Variants in MATN2 observed in about 807,000 individuals in gnomAD.
The protein encoded by MATN2 is matrilin 2.
In MATN2, 69 loss-of-function variants were observed where a neutral mutation model predicts 103.2. The ratio of observed to expected loss-of-function variants is 0.67; its 90% CI spans 0.55 to 0.82. MATN2 has a LOEUF of 0.82. Ranked by LOEUF, MATN2 falls within the 40% of genes least tolerant of loss-of-function variation. The probability of loss-of-function intolerance (pLI) is 0.00; values close to 1 mark genes in which losing one functional copy is unlikely to be tolerated. For synonymous variants in MATN2, 429 were observed against 450.2 expected (o/e 0.95, Z 0.60); for missense variants, 1,023 against 1,211.5 (o/e 0.84, Z 2.31).
intron 2 of MATN2, among the ~76,000 whole-genome samples, chr8:97,913,615 A>AT (rs34387422): frequency 0.25 from 30,401 of 121,744 alleles, 4,610 homozygotes; most frequent in East Asian, 0.69. Flanking sequence ...GCACCCTGCC[A>AT]TTTTTTTTTT....
chr8:97,945,412 G>GT (rs1810712373), intron 4 of MATN2, among the ~76,000 whole-genome samples: 1 of 152,048 alleles, frequency 6.6e-6, no homozygotes, highest in Non-Finnish European at 1.5e-5. Context: ...TCCAAATCCT[G>GT]TTATGTCCTC....
chr8:97,869,927 C>T (rs1297107964), intron 1 of MATN2, among the ~76,000 whole-genome samples: 1 of 152,092 alleles, frequency 6.6e-6, no homozygotes, highest in Non-Finnish European at 1.5e-5. Flanking sequence ...AAAGTGCTCT[C>T]CTCAGGGACA....
At chr8:97,979,752 G>A (rs529841802) in intron 6 of MATN2, among the ~76,000 whole-genome samples, 1 of 152,212 alleles carries the variant, frequency 6.6e-6, no homozygotes. Context: ...TATAAAAAGT[G>A]GACTTTAATA....
intron 5 of MATN2, 149 bp downstream of exon 5, chr8:97,961,679 G>T: frequency 1.1e-6 from 1 of 923,570 alleles, no homozygotes; most frequent in Non-Finnish European, 1.5e-6. Context: ...TTGTTAGGCA[G>T]AATTTGAACT....
chr8:97,948,822 A>G (rs1210285156), intron 4 of MATN2, among the ~76,000 whole-genome samples: 2 of 152,242 alleles, frequency 1.3e-5, no homozygotes, highest in African/African-American at 4.8e-5. Flanking sequence ...GATTTCTTAA[A>G]TAGTACACAA....
chr8:97,879,047 T>TA (rs1256420637), intron 1 of MATN2, among the ~76,000 whole-genome samples: 1 of 152,094 alleles, frequency 6.6e-6, no homozygotes, highest in Non-Finnish European at 1.5e-5. Flanking sequence ...TTAATAATTT[T>TA]AAAAAAATTT....
intron 5 of MATN2, 34 bp from the exon 6 acceptor site, chr8:97,978,852 A>G (rs747737536): frequency 9.3e-6 from 15 of 1,612,180 alleles, no homozygotes; most frequent in African/African-American, 1.3e-5. Context: ...CTCTGTTTGC[A>G]TTTCTAATTC....
At chr8:97,980,608 A>G (rs1207497589) in intron 6 of MATN2, among the ~76,000 whole-genome samples, 1 of 123,870 alleles carries the variant, frequency 8.1e-6, no homozygotes, top group African/African-American at 3.2e-5. Flanking sequence ...TCTGTCACCC[A>G]GGCTGGAGAG....
intron 6 of MATN2, among the ~76,000 whole-genome samples, chr8:97,979,603 T>C (rs16896480): frequency 0.059 from 8,917 of 152,246 alleles, 846 homozygotes; most frequent in African/African-American, 0.2. Context: ...TAATAACTAG[T>C]TACAAAAAGA....
intron 2 of MATN2, among the ~76,000 whole-genome samples, chr8:97,914,278 A>G (rs542258750): frequency 4.6e-5 from 7 of 150,684 alleles, no homozygotes; most frequent in African/African-American, 1.7e-4. Context: ...GCTGTCAGGA[A>G]CCCTTAGAAT....
chr8:97,911,067 C>A (rs1809413263), intron 2 of MATN2, among the ~76,000 whole-genome samples: 1 of 152,168 alleles, frequency 6.6e-6, no homozygotes, highest in African/African-American at 2.4e-5. Flanking sequence ...TGGCTCACTG[C>A]AACCTCCACC....
chr8:97,986,650 T>C (rs908172859), intron 6 of MATN2, among the ~76,000 whole-genome samples: 2 of 152,266 alleles, frequency 1.3e-5, no homozygotes, highest in African/African-American at 4.8e-5. Context: ...ATGGTGTATA[T>C]AGACACTGTA....
At chr8:98,031,055 G>A (rs1813999367) in intron 15 of MATN2, among the ~76,000 whole-genome samples, 1 of 152,156 alleles carries the variant, frequency 6.6e-6, no homozygotes, top group African/African-American at 2.4e-5. Flanking sequence ...CAAAAAGAAG[G>A]GCTGGGCACC....
intron 4 of MATN2, among the ~76,000 whole-genome samples, chr8:97,955,210 C>T (rs1002774616): frequency 4.6e-5 from 7 of 152,162 alleles, no homozygotes; most frequent in African/African-American, 1.7e-4. Flanking sequence ...CATCCTAAAG[C>T]AGTGATAAGC....
intron 5 of MATN2, among the ~76,000 whole-genome samples, chr8:97,970,792 T>TA (rs200094143): frequency 1.3e-4 from 19 of 150,750 alleles, no homozygotes; most frequent in East Asian, 1.9e-4. Context: ...CTACAAAGAA[T>TA]AAAAAAAAAT....
intron 13 of MATN2, among the ~76,000 whole-genome samples, chr8:98,023,631 A>G (rs903549425): frequency 1.3e-5 from 2 of 152,180 alleles, no homozygotes; most frequent in African/African-American, 4.8e-5. Flanking sequence ...TGATTGTGCC[A>G]CTTCACTCTA....
At chr8:97,875,491 A>G (rs1818037617) in intron 1 of MATN2, among the ~76,000 whole-genome samples, 1 of 152,110 alleles carries the variant, frequency 6.6e-6, no homozygotes, top group South Asian at 2.1e-4. Context: ...GGAGTTTTAC[A>G]AGTGAGCACT....
intron 7 of MATN2, among the ~76,000 whole-genome samples, chr8:97,999,861 C>CTTTTTTT (rs71271182): frequency 1.4e-5 from 2 of 138,434 alleles, no homozygotes; most frequent in East Asian, 2.2e-4. Context: ...GTCACGGATT[C>CTTTTTTT]TTTTTTTTTT....
At chr8:98,030,409 C>G in intron 14 of MATN2, 53 bp from the exon 15 acceptor site, 1 of 1,509,618 alleles carries the variant, frequency 6.6e-7, no homozygotes, top group Non-Finnish European at 9.0e-7. Flanking sequence ...CAACTTCCAG[C>G]CCCTGGGAAC....
Sources: allele counts gnomAD v4.1 joint callset (sites outside exome capture counted in the v4.1 genomes callset), GRCh38; gene constraint gnomAD v4.1.1; transcripts MANE v1.5; gene names NCBI Gene and HGNC (gene_info 2026-07-23, HGNC 2026-07-21).